PLEKHA4: variants seen among roughly 807,000 people sequenced by gnomAD.
PLEKHA4 encodes pleckstrin homology domain-containing family A member 4.
A neutral mutation model predicts 94.7 loss-of-function variants in PLEKHA4; 73 were observed. The ratio of observed to expected loss-of-function variants is 0.77; its 90% CI spans 0.64 to 0.94. The LOEUF (loss-of-function observed/expected upper bound fraction) is 0.94, where lower values mean the gene tolerates loss of function less well. Ranked by LOEUF, PLEKHA4 falls within the 40% of genes least tolerant of loss-of-function variation. The pLI is 0.00. For missense variants in PLEKHA4, 1,049 were observed against 1,054.1 expected (o/e 1.00, Z 0.07); for synonymous variants, 449 against 437.1 (o/e 1.03, Z -0.34).
chr19:48,865,668 G>T (rs1392392987), intron 2 of PLEKHA4, 58 bp from the exon 3 acceptor site: 3 of 1,258,752 alleles, frequency 2.4e-6, no homozygotes, highest in Non-Finnish European at 3.4e-6. Flanking sequence ...CCTGGGAGGG[G>T]GTGAGGGTGG....
Position 48,867,610 on chromosome 19 carries a change from C to T in PLEKHA4, c.11G>A (p.Ser4Asn), listed in dbSNP as rs763512961. Residue 4 changes from serine (S) to asparagine (N), a missense_variant, in exon 2 of 20, where the codon AGC becomes AAC. Transcript: ENST00000263265. This position sits in a 1 kb window ranked among gnomAD's most constrained non-coding sequence, Gnocchi z 4.7. ...CAGGCTCAGGCTGCTGCGAGGTCGGCTCCCCTCCATCAAGGGCTGGGGGAG... is the reference window on the plus strand; with the variant it reads ...CAGGCTCAGGCTGCTGCGAGGTCGGTTCCCCTCCATCAAGGGCTGGGGGAG... MEG[S>N]RPRSSLSLAS... 1 of 1,596,278 alleles carries T rather than the reference C, an allele frequency of 6.3e-7. No homozygotes were observed. The highest frequency in any genetic ancestry group is 1.8e-5 in the Admixed American group (1 of 56,216).
chr19:48,839,781 G>A (rs1158237747), intron 17 of PLEKHA4, among the ~76,000 whole-genome samples: 1 of 151,900 alleles, frequency 6.6e-6, no homozygotes, highest in African/African-American at 2.4e-5. Context: ...ACCACCACCT[G>A]TGACTTGTCT....
chr19:48,861,605 C>T lies in PLEKHA4; in HGVS notation c.265+15G>A, dbSNP rs568262135. ...GGGGGCCCTCCCACCCCAAGCCAGC[C>T]AGCCAGCCACTGACCCTTGTAATAA... On this transcript the variant is annotated intron_variant, in intron 4 of 19. Coordinates refer to ENST00000263265, the MANE Select transcript of PLEKHA4 (RefSeq NM_020904.3). 1 of 1,614,010 alleles carries T rather than the reference C, an allele frequency of 6.2e-7. No homozygotes were observed. The highest frequency in any genetic ancestry group is 1.7e-5 in the Admixed American group (1 of 60,014).
intron 17 of PLEKHA4, 84 bp downstream of exon 17, chr19:48,841,065 C>A: frequency 7.5e-7 from 1 of 1,341,094 alleles, no homozygotes; most frequent in Non-Finnish European, 1.0e-6. Flanking sequence ...TAGTGATTAT[C>A]TCCATTTTAC....
At chr19:48,853,563 T>C in intron 12 of PLEKHA4, 119 bp downstream of exon 12, 2 of 1,064,962 alleles carry the variant, frequency 1.9e-6, no homozygotes, top group Non-Finnish European at 1.2e-6. Context: ...TAATAAAATT[T>C]GGAGTGTAGA....
Position 48,861,417 on chromosome 19 carries a change from C to T in PLEKHA4, c.350G>A (p.Arg117Gln), listed in dbSNP as rs144507675. Residue 117 changes from arginine to glutamine, a missense_variant, in exon 5 of 20, where the codon CGG becomes CAG. Physicochemically the swap from Arg to Gln is conservative, Grantham distance 43. Coordinates refer to ENST00000263265, the MANE Select transcript of PLEKHA4 (RefSeq NM_020904.3). ...TGGACTCACGGTGAAGGTGAAGCGC[C>T]GCCCTCGGGGGGCTCCCGGCCCATC... ...RPDGPGAPRG[R>Q]RFTFTAEHPG... 69 of 1,613,632 alleles carry T rather than the reference C, an allele frequency of 4.3e-5. No individual in the cohort carries two copies. Among genetic ancestry groups the T allele is most frequent in the South Asian group, 3.3e-5 (3 of 91,074 alleles).
intron 3 of PLEKHA4, among the ~76,000 whole-genome samples, chr19:48,864,187 G>C (rs1404749260): frequency 9.2e-6 from 1 of 108,904 alleles, no homozygotes; most frequent in Non-Finnish European, 2.0e-5. Flanking sequence ...TTTTTTTTTT[G>C]ACATGGAGTC....
rs1383752727 is a variant in PLEKHA4, at chr19:48,859,646, T to C, written c.515A>G (p.Glu172Gly). The C allele has an allele frequency of 6.2e-7, 1 of 1,612,294 alleles. No individual in the cohort carries two copies. The highest frequency in any genetic ancestry group is 1.1e-5 in the South Asian group (1 of 91,056). ...PRSPARPQPG[E>G]GPGGPGGPPE... Reference sequence around the variant, plus strand: ...GGGACCACCGGGGCCGCCGGGGCCCTCCCCGGGCTGGGGTCGTGCAGGTGA... The same window carrying C: ...GGGACCACCGGGGCCGCCGGGGCCCCCCCCGGGCTGGGGTCGTGCAGGTGA... Residue 172 changes from glutamate (E) to glycine (G), a missense_variant, in exon 7 of 20, where the codon GAG becomes GGG. Glu to Gly is a moderately conservative substitution (Grantham distance 98). Transcript: ENST00000263265.
chr19:48,865,459 G>A, intron 3 of PLEKHA4, 44 bp downstream of exon 3: 1 of 1,476,622 alleles, frequency 6.8e-7, no homozygotes, highest in South Asian at 1.1e-5. Context: ...AGGACAGCCG[G>A]GGCACAGACT....
rs1008375166 is a variant in PLEKHA4 at position 48,867,746 on chromosome 19, G to A, written c.-6-120C>T. The A allele has an allele frequency of 5.3e-6, 5 of 935,388 alleles. No individual in the cohort carries two copies. The African/African-American group carries it at 6.6e-5, about 12-fold the overall frequency. The allele number at this position is 935,388 out of a possible 1,614,324, so 57.9% of individuals were successfully genotyped here. A position where few individuals can be genotyped will look rare whatever the true frequency, so the allele number is the denominator to read the frequency against. Reference sequence around the variant, plus strand: ...AAAGAGCCTGTTGTTTCGGGACTTGGGGGGCTGGGGGAGGCCATGGCCCGT... The same window carrying A: ...AAAGAGCCTGTTGTTTCGGGACTTGAGGGGCTGGGGGAGGCCATGGCCCGT... On this transcript the variant is annotated intron_variant, in intron 1 of 19. Transcript: ENST00000263265. The surrounding 1 kb of genome is among the most constrained non-coding windows in gnomAD (Gnocchi z 4.7).
At chr19:48,865,022 G>A (rs894545508) in intron 3 of PLEKHA4, among the ~76,000 whole-genome samples, 2 of 152,138 alleles carry the variant, frequency 1.3e-5, no homozygotes, top group Admixed American at 6.6e-5. Flanking sequence ...TGGGAACACT[G>A]TAAGTGTTCA....
At chr19:48,855,464 C>T (rs1255779491) in intron 9 of PLEKHA4, among the ~76,000 whole-genome samples, 3 of 151,562 alleles carry the variant, frequency 2.0e-5, no homozygotes, top group Admixed American at 6.6e-5. Context: ...CTTAGCCAGG[C>T]GTAGTGACGG....
At chr19:48,862,162 G>A (rs1158133053) in intron 3 of PLEKHA4, among the ~76,000 whole-genome samples, 2 of 151,308 alleles carry the variant, frequency 1.3e-5, no homozygotes, top group African/African-American at 4.9e-5. Context: ...CTCTGAACAT[G>A]ATAGAATAGA....
intron 3 of PLEKHA4, among the ~76,000 whole-genome samples, chr19:48,863,726 C>A (rs1424644619): frequency 2.6e-5 from 4 of 151,966 alleles, no homozygotes; most frequent in Admixed American, 6.6e-5. Flanking sequence ...GAGTGAGCCA[C>A]CACGCCCAGC....
chr19:48,856,921 G>A lies in PLEKHA4; in HGVS notation c.1047+501C>T, dbSNP rs140731245. On this transcript the variant is annotated intron_variant, in intron 9 of 19. Transcript: ENST00000263265. ...CTCAAAAAAAAAAAAAAAAAAGAAA[G>A]AAAGAAAGAAAAGAAAAGAAAAAGA... Among the ~76,000 whole-genome samples the A allele has an allele frequency of 8.3e-3, 919 of 110,272 alleles. 13 individuals are homozygous for A. Among genetic ancestry groups the A allele is most frequent in the African/African-American group, 0.041 (854 of 20,832 alleles). The allele number at this position is 110,272 out of a possible 152,430, so 72.3% of individuals were successfully genotyped here.
chr19:48,860,237 T>A, intron 6 of PLEKHA4, 113 bp downstream of exon 6: 1 of 874,536 alleles, frequency 1.1e-6, no homozygotes, highest in Non-Finnish European at 1.8e-6. Context: ...GCGCCTTAGC[T>A]AGAAGACTGG....
At chr19:48,862,195 T>C (rs981769913) in intron 3 of PLEKHA4, among the ~76,000 whole-genome samples, 32 of 140,814 alleles carry the variant, frequency 2.3e-4, no homozygotes, top group African/African-American at 9.1e-4. Context: ...CTTCTTTTCT[T>C]TTCTCTCTCT....
At chr19:48,855,678 A>G (rs1451050889) in intron 9 of PLEKHA4, among the ~76,000 whole-genome samples, 1 of 152,010 alleles carries the variant, frequency 6.6e-6, no homozygotes, top group African/African-American at 2.4e-5. Context: ...AGTCTCAGCT[A>G]CTAGGGAGGC....
rs751849415 is a variant in PLEKHA4 at position 48,859,697 on chromosome 19, C to T, written c.477-13G>A. 6.2e-7 allele frequency: 1 copy of T among 1,607,494 alleles called. No homozygotes were observed. The highest frequency in any genetic ancestry group is 1.1e-5 in the South Asian group (1 of 90,892). On this transcript the variant is annotated splice_polypyrimidine_tract_variant and intron_variant, in intron 6 of 19. Coordinates refer to ENST00000263265, the MANE Select transcript of PLEKHA4 (RefSeq NM_020904.3). ...CCTGGGTTGCCCACTAGCGAGTGGACATAGACAAGATATCACTCCTTCGAA... is the reference window on the plus strand; with the variant it reads ...CCTGGGTTGCCCACTAGCGAGTGGATATAGACAAGATATCACTCCTTCGAA...
Sources: allele counts gnomAD v4.1 joint callset (sites outside exome capture counted in the v4.1 genomes callset), GRCh38; gene constraint gnomAD v4.1.1; non-coding constraint Gnocchi (gnomAD v3.1); transcripts MANE v1.5; gene names NCBI Gene and HGNC (gene_info 2026-07-23, HGNC 2026-07-21).